The following SLC35F1 variants were observed in gnomAD, a reference collection of about 807,000 sequenced individuals.
SLC35F1 encodes chromosome 6 open reading frame 169.
In SLC35F1, 14 loss-of-function variants were observed where a neutral mutation model predicts 48.7. The observed-to-expected ratio is 0.29, with a 90% CI of 0.19 to 0.45. The LOEUF is 0.45. SLC35F1 is among the 20% of genes least tolerant of loss of function. The pLI is 1.00. For synonymous variants in SLC35F1, 190 were observed against 202.2 expected (o/e 0.94, Z 0.51); for missense variants, 404 against 500.0 (o/e 0.81, Z 1.83).
intron 1 of SLC35F1, among the ~76,000 whole-genome samples, chr6:117,966,763 G>A (rs755674054): frequency 2.6e-5 from 4 of 152,154 alleles, no homozygotes; most frequent in South Asian, 4.1e-4. Context: ...TCCTCTTCTT[G>A]TAAAGCCATT....
chr6:118,236,024 A>T (rs1775360907), intron 3 of SLC35F1, among the ~76,000 whole-genome samples: 2 of 152,344 alleles, frequency 1.3e-5, no homozygotes, highest in South Asian at 4.1e-4. Flanking sequence ...ATCAATTTTA[A>T]TCACAACTTA....
chr6:118,281,167 A>G (rs1051669913), intron 6 of SLC35F1, among the ~76,000 whole-genome samples: 3 of 145,200 alleles, frequency 2.1e-5, no homozygotes, highest in African/African-American at 5.2e-5. Flanking sequence ...CTTTATATAT[A>G]TATAGTAACT....
At chr6:118,161,106 A>T (rs1445763879) in intron 2 of SLC35F1, among the ~76,000 whole-genome samples, 1 of 152,126 alleles carries the variant, frequency 6.6e-6, no homozygotes, top group Non-Finnish European at 1.5e-5. Flanking sequence ...AGAGAATTTC[A>T]TGTGAAATAA....
At chr6:117,985,597 G>A (rs942571261) in intron 1 of SLC35F1, among the ~76,000 whole-genome samples, 5 of 87,336 alleles carry the variant, frequency 5.7e-5, no homozygotes, top group Admixed American at 1.4e-4. Context: ...TTGAATACCT[G>A]TAGTTGAGTG....
At chr6:118,058,173 A>G (rs1772488629) in intron 1 of SLC35F1, among the ~76,000 whole-genome samples, 1 of 152,202 alleles carries the variant, frequency 6.6e-6, no homozygotes, top group South Asian at 2.1e-4. Flanking sequence ...GAATGTAGGA[A>G]TAAATGCATA....
At chr6:117,923,720 T>TATATAC (rs1775963660) in intron 1 of SLC35F1, among the ~76,000 whole-genome samples, 2 of 5,876 alleles carry the variant, frequency 3.4e-4, no homozygotes, top group Non-Finnish European at 6.4e-4. Flanking sequence ...CATATATACA[T>TATATAC]ATATACATAT....
At chr6:118,093,045 C>G (rs118061789) in intron 1 of SLC35F1, among the ~76,000 whole-genome samples, 2 of 152,110 alleles carry the variant, frequency 1.3e-5, no homozygotes, top group African/African-American at 4.8e-5. Context: ...TGGCCAGGCA[C>G]GGTGGCTCAT....
chr6:117,999,028 A>T (rs2114864879), intron 1 of SLC35F1: 1 of 1,450,016 alleles, frequency 6.9e-7, no homozygotes, highest in Middle Eastern at 2.1e-4. Flanking sequence ...AATGGCACAG[A>T]AATGGTATCA....
chr6:118,227,919 C>T (rs1246355127), intron 2 of SLC35F1, among the ~76,000 whole-genome samples: 4 of 152,094 alleles, frequency 2.6e-5, no homozygotes, highest in Non-Finnish European at 5.9e-5. Flanking sequence ...TTCTTTCCAC[C>T]CTTCTGTGCA....
At chr6:118,284,460 CAGAGAA>C (rs1226297739) in intron 6 of SLC35F1, among the ~76,000 whole-genome samples, 1 of 151,914 alleles carries the variant, frequency 6.6e-6, no homozygotes, top group Non-Finnish European at 1.5e-5. Context: ...GGCATAATTA[CAGAGAA>C]AGAGAGAGAT....
At chr6:118,156,092 A>G (rs1774135835) in intron 2 of SLC35F1, among the ~76,000 whole-genome samples, 2 of 152,084 alleles carry the variant, frequency 1.3e-5, no homozygotes, top group Admixed American at 1.3e-4. Context: ...CTTGTTTTTT[A>G]AAGTTTAACA....
chr6:118,157,480 G>T (rs991503975), intron 2 of SLC35F1, among the ~76,000 whole-genome samples: 1 of 152,116 alleles, frequency 6.6e-6, no homozygotes, highest in African/African-American at 2.4e-5. Flanking sequence ...ATGATCACAA[G>T]GTGAAGTCCC....
chr6:117,999,211 G>A, intron 1 of SLC35F1: 1 of 1,595,762 alleles, frequency 6.3e-7, no homozygotes, highest in Non-Finnish European at 8.5e-7. Context: ...TAAAGCCCAA[G>A]GAGGTTAAGC....
At chr6:118,071,248 C>G (rs190350551) in intron 1 of SLC35F1, among the ~76,000 whole-genome samples, 31 of 148,496 alleles carry the variant, frequency 2.1e-4, no homozygotes, top group African/African-American at 7.3e-4. Flanking sequence ...ATCAGTACTG[C>G]TTACAGTATT....
At chr6:118,205,986 G>C (rs947384351) in intron 2 of SLC35F1, among the ~76,000 whole-genome samples, 1 of 152,128 alleles carries the variant, frequency 6.6e-6, no homozygotes, top group Non-Finnish European at 1.5e-5. Flanking sequence ...CTGGGGAAGG[G>C]GGACATAGGG....
At chr6:117,974,406 T>C (rs1292646778) in intron 1 of SLC35F1, among the ~76,000 whole-genome samples, 2 of 152,242 alleles carry the variant, frequency 1.3e-5, no homozygotes, top group African/African-American at 4.8e-5. Context: ...AAATTTCTTA[T>C]TCTGCACTGA....
At chr6:118,111,439 A>G (rs1287716855) in intron 1 of SLC35F1, among the ~76,000 whole-genome samples, 4 of 152,196 alleles carry the variant, frequency 2.6e-5, no homozygotes, top group Admixed American at 2.6e-4. Context: ...AATAGAGGGA[A>G]GTATTTAAAA....
intron 1 of SLC35F1, among the ~76,000 whole-genome samples, chr6:117,969,265 C>T (rs1027587215): frequency 6.6e-6 from 1 of 152,100 alleles, no homozygotes; most frequent in Non-Finnish European, 1.5e-5. Context: ...CATCTTTAAA[C>T]AAGAATATAT....
chr6:118,205,361 C>T (rs780716933), intron 2 of SLC35F1, among the ~76,000 whole-genome samples: 8 of 152,208 alleles, frequency 5.3e-5, no homozygotes, highest in Non-Finnish European at 1.0e-4. Context: ...ATGGCCACTA[C>T]GCACATCTAT....
Sources: allele counts gnomAD v4.1 joint callset (sites outside exome capture counted in the v4.1 genomes callset), GRCh38; gene constraint gnomAD v4.1.1; transcripts MANE v1.5; gene names NCBI Gene and HGNC (gene_info 2026-07-23, HGNC 2026-07-21).